CLASP2: variants seen among roughly 807,000 people sequenced by gnomAD.
CLASP2 encodes the protein CLIP-associating protein 2.
In CLASP2, 47 loss-of-function variants were observed where a neutral mutation model predicts 194.4. The observed-to-expected ratio is 0.24, with a 90% confidence interval of 0.19 to 0.31. The LOEUF (loss-of-function observed/expected upper bound fraction) is 0.31. Ranked by LOEUF, CLASP2 falls within the 10% of genes least tolerant of loss-of-function variation. The probability of loss-of-function intolerance (pLI) is 1.00; values close to 1 mark genes in which losing one functional copy is unlikely to be tolerated. For missense variants in CLASP2, 1,445 were observed against 1,823.6 expected, an observed-to-expected ratio of 0.79 and a Z score of 3.78; for synonymous variants, 619 against 633.5, an observed-to-expected ratio of 0.98 and a Z score of 0.34.
chr3:33,583,990 T>C lies in CLASP2; in HGVS notation c.2239+760A>G, dbSNP rs538801406. Among the ~76,000 whole-genome samples the C allele has an allele frequency of 2.6e-5, 4 of 152,270 alleles. No individual in the cohort carries two copies. In the East Asian group the frequency reaches 5.8e-4, roughly 22 times the overall value. ...TTAGTCAATCCTGAAGGCCGTACAA[T>C]CTTCAAACTTAACTAATAAATCCAT... On this transcript the variant is annotated intron_variant, in intron 22 of 38. Coordinates refer to ENST00000682230, the MANE Select transcript of CLASP2 (RefSeq NM_001365631.1).
At chr3:33,539,927 T>G (rs1186280674) in intron 32 of CLASP2, among the ~76,000 whole-genome samples, 1 of 151,836 alleles carries the variant, frequency 6.6e-6, no homozygotes, top group East Asian at 1.9e-4. Context: ...AATTTTTTTT[T>G]TTTTTTTGAG....
chr3:33,671,555 A>C lies in CLASP2; in HGVS notation c.645-8040T>G, dbSNP rs573269720. 2.0e-5 allele frequency among the ~76,000 whole-genome samples: 3 copies of C among 152,306 alleles called. No homozygotes were observed. The East Asian group carries it at 5.8e-4, about 29-fold the overall frequency. On this transcript the variant is annotated intron_variant, in intron 6 of 38. Transcript: ENST00000682230. ...TTTCTGCATTTCCATCTGAGGTACC[A>C]GGTTCATCTCACTAGGGAGTGCCAG...
At chr3:33,671,743 A>G (rs1476483206) in intron 6 of CLASP2, among the ~76,000 whole-genome samples, 2 of 152,202 alleles carry the variant, frequency 1.3e-5, no homozygotes, top group African/African-American at 4.8e-5. Flanking sequence ...CCACCTGAAT[A>G]CTGCGCTTTT....
intron 7 of CLASP2, among the ~76,000 whole-genome samples, chr3:33,653,219 T>C (rs990361275): frequency 2.0e-5 from 3 of 152,084 alleles, no homozygotes; most frequent in Non-Finnish European, 4.4e-5. Context: ...AAATCCAAAA[T>C]ACCACACATG....
At chr3:33,542,491 T>C (rs2058518053) in intron 32 of CLASP2, among the ~76,000 whole-genome samples, 1 of 149,414 alleles carries the variant, frequency 6.7e-6, no homozygotes, top group African/African-American at 2.4e-5. Flanking sequence ...ACAGGGTTAA[T>C]TATATAAAAA....
chr3:33,678,085 G>C (rs1052704334), intron 6 of CLASP2, among the ~76,000 whole-genome samples: 10 of 151,778 alleles, frequency 6.6e-5, no homozygotes, highest in Non-Finnish European at 1.3e-4. Context: ...AAAGAGATTG[G>C]AAAACAAAAC....
intron 1 of CLASP2, among the ~76,000 whole-genome samples, chr3:33,706,403 C>T (rs952283087): frequency 6.6e-6 from 1 of 152,154 alleles, no homozygotes; most frequent in African/African-American, 2.4e-5. Context: ...ATAAATGAAT[C>T]TAAATTTACA....
Position 33,619,722 on chromosome 3 carries a change from A to G in CLASP2, c.1198T>C (p.Leu400=), listed in dbSNP as rs760037481. 42 of 1,588,180 alleles carry G rather than the reference A, an allele frequency of 2.6e-5. No homozygotes were observed. The East Asian group carries it at 8.5e-4, about 32-fold the overall frequency. ...CITVAHLSTV[L]GNKFDHGAEA... ...GCGCCATGATCAAACTTGTTTCCCA[A>G]AACTGTTGAAAGGTGGCTACAAAGG... Residue 400 remains leucine (L), a synonymous_variant, in exon 12 of 39, where the codon TTG becomes CTG. Transcript: ENST00000682230.
intron 28 of CLASP2, 49 bp from the exon 29 acceptor site, chr3:33,559,434 C>G (rs767725495): frequency 3.8e-6 from 4 of 1,054,826 alleles, no homozygotes; most frequent in East Asian, 2.5e-5. Context: ...TTAGCAAGTA[C>G]GCATGTAACA....
At chr3:33,622,810 A>ATT (rs35363056) in intron 10 of CLASP2, among the ~76,000 whole-genome samples, 5 of 142,470 alleles carry the variant, frequency 3.5e-5, no homozygotes, top group East Asian at 2.0e-4. Flanking sequence ...GCTGTAGAAC[A>ATT]TTTTTTTTTT....
In CLASP2 at chr3:33,660,339, G is replaced by T. The variant is rs577179113; in HGVS notation, c.715+3106C>A. The stretch of plus-strand genomic sequence containing the variant: ...TTTTAAATCCAGTTTTCTTCTAACA[G>T]CAGAGCTAATTCTACTGCATTTAGG... On this transcript the variant is annotated intron_variant, in intron 7 of 38. Coordinates refer to ENST00000682230, the MANE Select transcript of CLASP2 (RefSeq NM_001365631.1). 5.9e-5 allele frequency among the ~76,000 whole-genome samples: 9 copies of T among 152,240 alleles called. No individual in the cohort carries two copies. The South Asian group carries it at 1.9e-3, about 32-fold the overall frequency.
chr3:33,560,939 ATCCACTAGAGTC>A lies in CLASP2; in HGVS notation c.2787_2798del (p.Glu929_Val932del). Reference sequence around the variant, plus strand: ...GATCATCTTTGTGGACTTGTATGAAATCCACTAGAGTCTCCAAAAACATGCTGAATACCTACA... The same window carrying A: ...GATCATCTTTGTGGACTTGTATGAAATCCAAAAACATGCTGAATACCTACA... On this transcript the variant is annotated inframe_deletion, in exon 28 of 39. Coordinates refer to ENST00000682230, the MANE Select transcript of CLASP2 (RefSeq NM_001365631.1). 1 of 1,613,870 alleles carries A rather than the reference ATCCACTAGAGTC, an allele frequency of 6.2e-7. No homozygotes were observed. The highest frequency in any genetic ancestry group is 8.5e-7 in the Non-Finnish European group (1 of 1,179,814).
chr3:33,578,063 A>G (rs1288431086), intron 23 of CLASP2, among the ~76,000 whole-genome samples: 3 of 152,222 alleles, frequency 2.0e-5, no homozygotes, highest in African/African-American at 4.8e-5. Flanking sequence ...ATTTGATTAT[A>G]GCCACACTAC....
intron 27 of CLASP2, among the ~76,000 whole-genome samples, chr3:33,565,818 A>C (rs1452168334): frequency 1.3e-5 from 2 of 151,580 alleles, no homozygotes; most frequent in Non-Finnish European, 2.9e-5. Context: ...TCTCAAAAAA[A>C]AGAAAAAAAA....
At position 33,696,955 on chromosome 3, in the gene CLASP2, A is replaced by T. The variant is rs1263507335; in HGVS notation, c.196-22T>A. Reference sequence around the variant, plus strand: ...ATACCTACAGATAAAAAGGGATTTTAATGAATATAAATTACTGATGCATAC... The same window carrying T: ...ATACCTACAGATAAAAAGGGATTTTTATGAATATAAATTACTGATGCATAC... On this transcript the variant is annotated intron_variant, in intron 1 of 38. Coordinates refer to ENST00000682230, the MANE Select transcript of CLASP2 (RefSeq NM_001365631.1). 2.3e-6 allele frequency: 3 copies of T among 1,325,634 alleles called. No homozygotes were observed. In the African/African-American group the frequency reaches 4.4e-5, roughly 19 times the overall value. The allele number at this position is 1,325,634 out of a possible 1,614,324, so 82.1% of individuals were successfully genotyped here. A position where few individuals can be genotyped will look rare whatever the true frequency, so the allele number is the denominator to read the frequency against.
At chr3:33,650,634 G>A (rs1053613533) in intron 7 of CLASP2, among the ~76,000 whole-genome samples, 1 of 151,876 alleles carries the variant, frequency 6.6e-6, no homozygotes, top group Non-Finnish European at 1.5e-5. Context: ...AAATGGAGGA[G>A]GCAGGAGAGG....
chr3:33,556,252 A>G (rs896501196), intron 29 of CLASP2, among the ~76,000 whole-genome samples: 7 of 152,188 alleles, frequency 4.6e-5, no homozygotes, highest in African/African-American at 1.7e-4. Context: ...AAGATCAATA[A>G]AAAAATTTTC....
At chr3:33,507,069 G>C (rs2048461895) in intron 37 of CLASP2, among the ~76,000 whole-genome samples, 1 of 151,760 alleles carries the variant, frequency 6.6e-6, no homozygotes, top group Non-Finnish European at 1.5e-5. Context: ...CTCCCGAGTA[G>C]CTGCGATTAC....
At position 33,517,177 on chromosome 3, in the gene CLASP2, G is replaced by A. The variant is rs944860392; in HGVS notation, c.3788-3C>T. 1.2e-6 allele frequency: 2 copies of A among 1,606,674 alleles called. No individual in the cohort carries two copies. Among genetic ancestry groups the A allele is most frequent in the African/African-American group, 2.7e-5 (2 of 74,422 alleles). ...GTCAGAATGATCTAGGGAAAGATCT[G>A]TCAAAAGGACATGGTATTAGTTCTA... On this transcript the variant is annotated splice_polypyrimidine_tract_variant and splice_region_variant and intron_variant, in intron 34 of 38. Coordinates refer to ENST00000682230, the MANE Select transcript of CLASP2 (RefSeq NM_001365631.1).
Sources: allele counts gnomAD v4.1 joint callset (sites outside exome capture counted in the v4.1 genomes callset), GRCh38; gene constraint gnomAD v4.1.1; transcripts MANE v1.5; gene names NCBI Gene and HGNC (gene_info 2026-07-23, HGNC 2026-07-21).